EYS: variants seen among roughly 807,000 people sequenced by gnomAD.
EYS encodes EGF-like photoreceptor maintenance factor.
Under a neutral mutation model 282.1 loss-of-function variants are expected in EYS, and 250 were observed. The ratio of observed to expected loss-of-function variants is 0.89; its 90% CI spans 0.80 to 0.98. The LOEUF (loss-of-function observed/expected upper bound fraction) is 0.98, where lower values mean the gene tolerates loss of function less well. Ranked by LOEUF, EYS falls within the 50% of genes least tolerant of loss-of-function variation. EYS has a pLI of 0.00. For missense variants in EYS, 4,016 were observed against 3,709.0 expected (o/e 1.08, Z -2.15); for synonymous variants, 1,355 against 1,282.9 (o/e 1.06, Z -1.20).
At chr6:64,739,859 A>C (rs1207288406) in intron 22 of EYS, among the ~76,000 whole-genome samples, 1 of 152,166 alleles carries the variant, frequency 6.6e-6, no homozygotes, top group Non-Finnish European at 1.5e-5. Context: ...GGCAGGGGAA[A>C]TATAAACAAT....
intron 14 of EYS, among the ~76,000 whole-genome samples, chr6:64,961,052 A>G (rs957551310): frequency 2.0e-5 from 3 of 152,204 alleles, no homozygotes; most frequent in Non-Finnish European, 4.4e-5. Flanking sequence ...CCAGTCTATC[A>G]CTGATGGTCA....
chr6:65,071,418 A>G (rs1181913451), intron 12 of EYS, among the ~76,000 whole-genome samples: 1 of 151,822 alleles, frequency 6.6e-6, no homozygotes, highest in Non-Finnish European at 1.5e-5. Context: ...TCCATATTAT[A>G]AATGGAATTC....
intron 12 of EYS, among the ~76,000 whole-genome samples, chr6:65,246,728 G>A (rs186821110): frequency 3.1e-4 from 47 of 152,118 alleles, no homozygotes; most frequent in Admixed American, 5.9e-4. Flanking sequence ...ACATGTATGC[G>A]TGCTCGCTCG....
intron 31 of EYS, among the ~76,000 whole-genome samples, chr6:64,174,879 C>T (rs539463122): frequency 6.6e-6 from 1 of 152,020 alleles, no homozygotes; most frequent in East Asian, 1.9e-4. Context: ...ATATACAAAT[C>T]ACATAATCAT....
chr6:65,444,102 G>A lies in EYS; in HGVS notation c.863-38735C>T, dbSNP rs558835187. Among the ~76,000 whole-genome samples, 11 of 151,994 alleles carry A rather than the reference G, an allele frequency of 7.2e-5. No individual in the cohort carries two copies. The South Asian group carries it at 2.3e-3, about 31-fold the overall frequency. The stretch of plus-strand genomic sequence containing the variant: ...TTTATTAGAAGGACATTAATTATAT[G>A]CATATTACTGAAAATTGCTGTCAAG... On this transcript the variant is annotated intron_variant, in intron 5 of 42. Coordinates refer to ENST00000503581, the MANE Select transcript of EYS (RefSeq NM_001142800.2).
At chr6:64,754,388 A>G (rs1194014948) in intron 22 of EYS, among the ~76,000 whole-genome samples, 1 of 33,438 alleles carries the variant, frequency 3.0e-5, no homozygotes, top group Non-Finnish European at 6.1e-5. Context: ...AGTCAGATTC[A>G]CAGCTGATGC....
intron 36 of EYS, among the ~76,000 whole-genome samples, chr6:63,849,447 G>A (rs1258862487): frequency 6.6e-6 from 1 of 152,142 alleles, no homozygotes. Flanking sequence ...GCACTGGCTG[G>A]CATCTGTCTG....
chr6:64,793,070 C>T (rs1265673462), intron 22 of EYS, among the ~76,000 whole-genome samples: 1 of 152,036 alleles, frequency 6.6e-6, no homozygotes, highest in Non-Finnish European at 1.5e-5. Context: ...TCTCTTCCTA[C>T]ATTTGCATTG....
chr6:64,259,230 T>A (rs894586878), intron 30 of EYS, among the ~76,000 whole-genome samples: 3 of 152,100 alleles, frequency 2.0e-5, no homozygotes, highest in African/African-American at 7.2e-5. Context: ...GTTACCCCAC[T>A]GGCTACTCTT....
Position 63,790,621 on chromosome 6 carries a change from G to A in EYS, c.7412-1397C>T, listed in dbSNP as rs553569031. 1.2e-4 allele frequency among the ~76,000 whole-genome samples: 18 copies of A among 152,274 alleles called. 1 individual carries two copies. The South Asian group carries it at 3.3e-3, about 28-fold the overall frequency. ...GTTAGCTGGGTTGTATATTTAAAAC[G>A]GAAAGTTCAATGTTTCAAGAGAAAA... On this transcript the variant is annotated intron_variant, in intron 37 of 42. Coordinates refer to ENST00000503581, the MANE Select transcript of EYS (RefSeq NM_001142800.2).
At chr6:65,062,951 C>G (rs1252342606) in intron 12 of EYS, among the ~76,000 whole-genome samples, 3 of 151,950 alleles carry the variant, frequency 2.0e-5, no homozygotes, top group East Asian at 1.9e-4. Flanking sequence ...AATTAGCACA[C>G]AATAGCAAGT....
intron 13 of EYS, among the ~76,000 whole-genome samples, chr6:65,039,190 T>C (rs1772857730): frequency 6.6e-6 from 1 of 151,614 alleles, no homozygotes; most frequent in Non-Finnish European, 1.5e-5. Flanking sequence ...TCTTTGTGTA[T>C]GATGTGAGGT....
intron 26 of EYS, among the ~76,000 whole-genome samples, chr6:64,486,592 G>A (rs1032330515): frequency 2.0e-5 from 3 of 151,334 alleles, no homozygotes; most frequent in East Asian, 1.9e-4. Flanking sequence ...GCAGGCATGC[G>A]GTCTGTATGT....
intron 7 of EYS, among the ~76,000 whole-genome samples, chr6:65,386,690 C>A (rs1250660096): frequency 6.6e-6 from 1 of 151,958 alleles, no homozygotes; most frequent in African/African-American, 2.4e-5. Context: ...AGTGCATTAA[C>A]TTCTGTTGAA....
intron 26 of EYS, among the ~76,000 whole-genome samples, chr6:64,563,982 A>T (rs955553402): frequency 5.3e-5 from 8 of 151,836 alleles, no homozygotes; most frequent in Non-Finnish European, 1.2e-4. Context: ...CTCAATATGG[A>T]TTCAACATTT....
chr6:64,511,693 A>G (rs1363769618), intron 26 of EYS, among the ~76,000 whole-genome samples: 1 of 151,992 alleles, frequency 6.6e-6, no homozygotes, highest in Non-Finnish European at 1.5e-5. Flanking sequence ...GTGTTTTCTG[A>G]GAGAACAAAG....
intron 30 of EYS, among the ~76,000 whole-genome samples, chr6:64,252,313 CCT>C (rs1767244873): frequency 6.6e-6 from 1 of 151,988 alleles, no homozygotes; most frequent in Non-Finnish European, 1.5e-5. Context: ...AATCCTTTTT[CCT>C]CTTTCTATCT....
chr6:65,245,062 T>C (rs867616062), intron 12 of EYS, among the ~76,000 whole-genome samples: 3 of 152,182 alleles, frequency 2.0e-5, no homozygotes, highest in South Asian at 2.1e-4. Flanking sequence ...GTTTTAACTA[T>C]TAGAATATTC....
At chr6:64,699,746 A>G (rs1432299957) in intron 22 of EYS, among the ~76,000 whole-genome samples, 3 of 152,100 alleles carry the variant, frequency 2.0e-5, no homozygotes, top group African/African-American at 7.2e-5. Flanking sequence ...TCAAATTCAC[A>G]GATGAATTCT....
Sources: allele counts gnomAD v4.1 joint callset (sites outside exome capture counted in the v4.1 genomes callset), GRCh38; gene constraint gnomAD v4.1.1; transcripts MANE v1.5; gene names NCBI Gene and HGNC (gene_info 2026-07-23, HGNC 2026-07-21).